Variants in GPC5 observed in about 807,000 individuals in gnomAD.
The protein encoded by GPC5 is glypican 5, also known as glypican-5.
GPC5 carries 47 observed loss-of-function variants against 53.9 expected under a neutral mutation model. That is an observed-to-expected ratio of 0.87 (90% CI 0.69 to 1.11). GPC5 has a LOEUF of 1.11. Among genes scored for constraint, GPC5 ranks in the 50% most tolerant of loss-of-function variants. The pLI is 0.00. For missense variants in GPC5, 748 were observed against 713.1 expected, an observed-to-expected ratio of 1.05 and a Z score of -0.56; for synonymous variants, 286 against 263.3, an observed-to-expected ratio of 1.09 and a Z score of -0.84.
chr13:91,686,418 A>G (rs60216017), intron 2 of GPC5, among the ~76,000 whole-genome samples: 3,648 of 152,110 alleles, frequency 0.024, 152 homozygotes, highest in African/African-American at 0.083. Flanking sequence ...TTATTTATAT[A>G]GATGACTGAT....
At chr13:92,720,622 G>A (rs995747728) in intron 7 of GPC5, among the ~76,000 whole-genome samples, 5 of 151,900 alleles carry the variant, frequency 3.3e-5, no homozygotes, top group Non-Finnish European at 5.9e-5. Flanking sequence ...GTTACATAAC[G>A]TACATAAATG....
chr13:92,166,403 A>G (rs1219946339), intron 7 of GPC5, among the ~76,000 whole-genome samples: 1 of 152,200 alleles, frequency 6.6e-6, no homozygotes, highest in African/African-American at 2.4e-5. Context: ...TCATTTCTCA[A>G]ATACTATGTT....
At chr13:92,021,331 G>A (rs1023125281) in intron 6 of GPC5, among the ~76,000 whole-genome samples, 1 of 152,192 alleles carries the variant, frequency 6.6e-6, no homozygotes, top group African/African-American at 2.4e-5. Context: ...GTGACAGCAT[G>A]GATGAGCCTA....
intron 7 of GPC5, among the ~76,000 whole-genome samples, chr13:92,840,078 C>CACATATATATATAT (rs1555317196): frequency 1.0e-5 from 1 of 98,986 alleles, no homozygotes; most frequent in Non-Finnish European, 2.1e-5. Context: ...TATATACATA[C>CACATATATATATAT]ATATATATAT....
intron 7 of GPC5, among the ~76,000 whole-genome samples, chr13:92,705,156 C>G (rs1188110118): frequency 6.6e-6 from 1 of 151,944 alleles, no homozygotes; most frequent in Non-Finnish European, 1.5e-5. Context: ...GTCTTGCCAA[C>G]AAGCTCCACC....
At chr13:92,513,470 TG>T (rs1212004152) in intron 7 of GPC5, among the ~76,000 whole-genome samples, 1 of 77,246 alleles carries the variant, frequency 1.3e-5, no homozygotes, top group Non-Finnish European at 2.7e-5. Flanking sequence ...AGCTTTTTTC[TG>T]TTTTTTTTTT....
intron 2 of GPC5, among the ~76,000 whole-genome samples, chr13:91,501,875 G>T (rs1481481471): frequency 6.6e-6 from 1 of 152,200 alleles, no homozygotes; most frequent in Non-Finnish European, 1.5e-5. Context: ...GTGTAAAAGT[G>T]TTCCTATTTC....
chr13:92,346,170 C>T (rs1009975725), intron 7 of GPC5, among the ~76,000 whole-genome samples: 1 of 152,108 alleles, frequency 6.6e-6, no homozygotes, highest in Non-Finnish European at 1.5e-5. Flanking sequence ...CCACAGGCCT[C>T]CATCTGAGTG....
At chr13:92,592,093 T>C (rs1883731023) in intron 7 of GPC5, among the ~76,000 whole-genome samples, 1 of 152,182 alleles carries the variant, frequency 6.6e-6, no homozygotes, top group South Asian at 2.1e-4. Flanking sequence ...TATCGATTTA[T>C]GAAAGAATAC....
chr13:92,630,791 A>G (rs1885211219), intron 7 of GPC5, among the ~76,000 whole-genome samples: 1 of 152,146 alleles, frequency 6.6e-6, no homozygotes, highest in Non-Finnish European at 1.5e-5. Flanking sequence ...GTCCTAGCAA[A>G]ACTGTTGTTA....
At chr13:92,562,675 TG>T (rs1882736502) in intron 7 of GPC5, among the ~76,000 whole-genome samples, 1 of 152,010 alleles carries the variant, frequency 6.6e-6, no homozygotes, top group Non-Finnish European at 1.5e-5. Flanking sequence ...ATCATAGGTC[TG>T]GGGGCTAGAT....
chr13:91,975,147 G>T (rs895925957), intron 6 of GPC5, among the ~76,000 whole-genome samples: 1 of 152,054 alleles, frequency 6.6e-6, no homozygotes, highest in Non-Finnish European at 1.5e-5. Context: ...TTAAACGTTA[G>T]ACCTAAAACC....
chr13:92,583,710 A>C (rs1002588992), intron 7 of GPC5, among the ~76,000 whole-genome samples: 3 of 152,208 alleles, frequency 2.0e-5, no homozygotes, highest in African/African-American at 4.8e-5. Context: ...GTTCTGGAAT[A>C]GTTTCCTCTT....
chr13:92,731,425 T>C (rs1031795171), intron 7 of GPC5, among the ~76,000 whole-genome samples: 2 of 151,360 alleles, frequency 1.3e-5, no homozygotes, highest in Non-Finnish European at 3.0e-5. Context: ...GGGGGAAATA[T>C]ATTCATGAAC....
intron 7 of GPC5, among the ~76,000 whole-genome samples, chr13:92,595,934 T>C (rs1883865732): frequency 6.6e-6 from 1 of 152,158 alleles, no homozygotes; most frequent in Admixed American, 6.5e-5. Flanking sequence ...AAGTTGACAA[T>C]GTGAAAATAT....
chr13:92,762,761 C>T (rs944945819), intron 7 of GPC5, among the ~76,000 whole-genome samples: 14 of 152,018 alleles, frequency 9.2e-5, no homozygotes, highest in Non-Finnish European at 1.8e-4. Context: ...CTTCACTCTT[C>T]TTCATTGTTT....
chr13:92,643,608 T>G (rs561036833), intron 7 of GPC5, among the ~76,000 whole-genome samples: 1 of 141,908 alleles, frequency 7.0e-6, no homozygotes, highest in African/African-American at 2.6e-5. Context: ...ATCATCATTC[T>G]CAGTAAACTA....
intron 7 of GPC5, among the ~76,000 whole-genome samples, chr13:92,148,199 A>G (rs1033193965): frequency 6.6e-6 from 1 of 152,074 alleles, no homozygotes; most frequent in African/African-American, 2.4e-5. Context: ...CTAATATTGT[A>G]TCTTTGAAAT....
intron 7 of GPC5, among the ~76,000 whole-genome samples, chr13:92,809,457 C>T (rs1197072037): frequency 6.6e-6 from 1 of 152,044 alleles, no homozygotes; most frequent in Non-Finnish European, 1.5e-5. Flanking sequence ...GTACACTTGT[C>T]AAAAATTATA....
Sources: allele counts gnomAD v4.1 joint callset (sites outside exome capture counted in the v4.1 genomes callset), GRCh38; gene constraint gnomAD v4.1.1; transcripts MANE v1.5; gene names NCBI Gene and HGNC (gene_info 2026-07-23, HGNC 2026-07-21).